The following FAM241A variants were observed in gnomAD, a reference collection of about 807,000 sequenced individuals.
FAM241A encodes the protein uncharacterized protein FAM241A.
A neutral mutation model predicts 12.2 loss-of-function variants in FAM241A; 7 were observed. That is an observed-to-expected ratio of 0.58 (90% CI 0.33 to 1.08). FAM241A has a LOEUF of 1.08. FAM241A is among the 50% of genes least tolerant of loss of function. The pLI, the probability that FAM241A is intolerant of heterozygous loss-of-function variation, is 0.04. For synonymous variants in FAM241A, 74 were observed against 68.2 expected (o/e 1.08, Z -0.42); for missense variants, 161 against 169.7 (o/e 0.95, Z 0.29).
intron 1 of FAM241A, among the ~76,000 whole-genome samples, chr4:112,150,899 A>G (rs747272576): frequency 6.6e-6 from 1 of 152,232 alleles, no homozygotes; most frequent in Non-Finnish European, 1.5e-5. Context: ...GCACATAGCT[A>G]TCTAGCATGT....
intron 1 of FAM241A, among the ~76,000 whole-genome samples, chr4:112,161,345 A>G (rs749388583): frequency 1.3e-5 from 2 of 152,118 alleles, no homozygotes; most frequent in Non-Finnish European, 2.9e-5. Flanking sequence ...GACACAAAAA[A>G]CCTTCAAAAA....
intron 1 of FAM241A, among the ~76,000 whole-genome samples, chr4:112,160,029 CTAAG>C (rs775900795): frequency 8.5e-5 from 13 of 152,118 alleles, no homozygotes; most frequent in Non-Finnish European, 1.0e-4. Context: ...TTGGAAAAAT[CTAAG>C]GACTCCATCA....
chr4:112,154,700 A>G lies in FAM241A; in HGVS notation c.153+8967A>G, dbSNP rs1040704830. Among the ~76,000 whole-genome samples the G allele has an allele frequency of 3.3e-5, 5 of 152,306 alleles. No individual in the cohort carries two copies. In the East Asian group the frequency reaches 5.8e-4, roughly 18 times the overall value. ...TAAAAAAGTAGATTCTTGAAAAAGT[A>G]TAAAATGTAGAAATGTCTTAACCTG... On this transcript the variant is annotated intron_variant, in intron 1 of 1. Coordinates refer to ENST00000309733, the MANE Select transcript of FAM241A (RefSeq NM_152400.3).
intron 1 of FAM241A, among the ~76,000 whole-genome samples, chr4:112,153,143 A>G (rs1040768618): frequency 6.6e-6 from 1 of 152,204 alleles, no homozygotes; most frequent in Non-Finnish European, 1.5e-5. Flanking sequence ...AGAATAGACA[A>G]TCTCTAAAGA....
chr4:112,189,293 G>C lies in FAM241A; in HGVS notation c.*2355G>C, dbSNP rs185887671. 6.8e-6 allele frequency: 1 copy of C among 147,104 alleles called. No individual in the cohort carries two copies. Among genetic ancestry groups the C allele is most frequent in the South Asian group, 2.1e-4 (1 of 4,656 alleles). The allele number at this position is 147,104 out of a possible 1,614,324, so 9.1% of individuals were successfully genotyped here. Reference sequence around the variant, plus strand: ...CCAGCTACTCAGGAGGCTGAGGCAGGAGAATGGCGTGAACCCGGGAGGCAG... The same window carrying C: ...CCAGCTACTCAGGAGGCTGAGGCAGCAGAATGGCGTGAACCCGGGAGGCAG... On this transcript the variant is annotated 3_prime_UTR_variant, in exon 2 of 2. Coordinates refer to ENST00000309733, the MANE Select transcript of FAM241A (RefSeq NM_152400.3).
chr4:112,148,287 C>G (rs1723179587), intron 1 of FAM241A, among the ~76,000 whole-genome samples: 1 of 152,068 alleles, frequency 6.6e-6, no homozygotes, highest in African/African-American at 2.4e-5. Context: ...AAAGCTCTTT[C>G]ATCAGCTTGT....
intron 1 of FAM241A, among the ~76,000 whole-genome samples, chr4:112,171,893 G>T (rs996665220): frequency 6.6e-6 from 1 of 151,888 alleles, no homozygotes; most frequent in Non-Finnish European, 1.5e-5. Context: ...AAAATCTTGA[G>T]TTTATATTCA....
chr4:112,186,634 A>G, intron 1 of FAM241A, 59 bp from the exon 2 acceptor site: 1 of 1,502,392 alleles, frequency 6.7e-7, no homozygotes. Flanking sequence ...AGGTTCTTAA[A>G]GACGTTTACA....
At chr4:112,172,344 A>G (rs1723740568) in intron 1 of FAM241A, among the ~76,000 whole-genome samples, 1 of 152,242 alleles carries the variant, frequency 6.6e-6, no homozygotes, top group African/African-American at 2.4e-5. Flanking sequence ...AGGAATACAA[A>G]GCAAGAAATC....
chr4:112,176,220 G>A (rs1578377656), intron 1 of FAM241A, among the ~76,000 whole-genome samples: 4 of 152,272 alleles, frequency 2.6e-5, no homozygotes, highest in Admixed American at 2.6e-4. Context: ...TAATTATCAT[G>A]AGAAAGATAA....
chr4:112,164,288 T>C (rs1401629022), intron 1 of FAM241A, among the ~76,000 whole-genome samples: 1 of 151,196 alleles, frequency 6.6e-6, no homozygotes, highest in Non-Finnish European at 1.5e-5. Flanking sequence ...GATGAGTTCA[T>C]GTCCTTTGTG....
Position 112,187,643 on chromosome 4 carries a change from G to T in FAM241A, c.*705G>T, listed in dbSNP as rs1381447731. ...TCATTTGAAGTTTCAGACAATTTTG[G>T]TGCTAATTACTTTTTGTGAGTTTTT... On this transcript the variant is annotated 3_prime_UTR_variant, in exon 2 of 2. Transcript: ENST00000309733. 6.7e-6 allele frequency: 1 copy of T among 149,234 alleles called. No homozygotes were observed. Among genetic ancestry groups the T allele is most frequent in the Non-Finnish European group, 1.5e-5 (1 of 66,432 alleles). The allele number at this position is 149,234 out of a possible 1,614,324, so 9.2% of individuals were successfully genotyped here.
intron 1 of FAM241A, among the ~76,000 whole-genome samples, chr4:112,154,393 G>A (rs1411881852): frequency 6.6e-6 from 1 of 152,018 alleles, no homozygotes; most frequent in African/African-American, 2.4e-5. Flanking sequence ...TCAGGCTACC[G>A]AGTTCCTGGG....
chr4:112,162,167 A>G (rs1179530138), intron 1 of FAM241A, among the ~76,000 whole-genome samples: 2 of 152,202 alleles, frequency 1.3e-5, no homozygotes, highest in Non-Finnish European at 2.9e-5. Context: ...TCTCACAATA[A>G]TAAGAGCTAT....
intron 1 of FAM241A, among the ~76,000 whole-genome samples, chr4:112,172,933 G>A (rs1445633982): frequency 2.0e-5 from 3 of 152,140 alleles, no homozygotes; most frequent in Non-Finnish European, 4.4e-5. Context: ...TGTCACCCAG[G>A]CTGGAGTGCA....
chr4:112,151,626 A>G (rs1723246225), intron 1 of FAM241A, among the ~76,000 whole-genome samples: 1 of 152,208 alleles, frequency 6.6e-6, no homozygotes, highest in Non-Finnish European at 1.5e-5. Flanking sequence ...AAGGGAATGG[A>G]GAATAAGCAA....
Position 112,193,204 on chromosome 4 carries a change from T to C in FAM241A, c.*6266T>C, listed in dbSNP as rs1228163941. On this transcript the variant is annotated 3_prime_UTR_variant, in exon 2 of 2. Coordinates refer to ENST00000309733, the MANE Select transcript of FAM241A (RefSeq NM_152400.3). ...CTTTTTGATGGGGTTGTTTGTTTTT[T>C]TCTTGTAAATTTGTTTGAGTTCATT... The C allele has an allele frequency of 2.2e-4, 34 of 151,814 alleles. No individual in the cohort carries two copies. Among genetic ancestry groups the C allele is most frequent in the African/African-American group, 7.2e-4 (30 of 41,388 alleles). 9.4% of individuals were successfully genotyped at this position (151,814 alleles called of 1,614,324 possible).
chr4:112,171,527 C>G (rs72664572), intron 1 of FAM241A: 11,800 of 761,612 alleles, frequency 0.015, 144 homozygotes, highest in Non-Finnish European at 0.021. Flanking sequence ...TGATTCAGTT[C>G]TAAGTGTCAT....
At position 112,190,130 on chromosome 4, in the gene FAM241A, A is replaced by G. The variant is rs548532264; in HGVS notation, c.*3192A>G. On this transcript the variant is annotated 3_prime_UTR_variant, in exon 2 of 2. Coordinates refer to ENST00000309733, the MANE Select transcript of FAM241A (RefSeq NM_152400.3). ...TCTCTCTAGGCTGTCACCAAGCTGT[A>G]AATCCACTAAAGACTATCCAGGCAA... The G allele has an allele frequency of 2.2e-4, 28 of 128,642 alleles. No individual in the cohort carries two copies. The highest frequency in any genetic ancestry group is 1.1e-3 in the Admixed American group (14 of 13,120). 8.0% of individuals were successfully genotyped at this position (128,642 alleles called of 1,614,324 possible).
Sources: gnomAD v4.1 joint callset for allele counts (sites outside exome capture counted in the v4.1 genomes callset) on GRCh38, gnomAD v4.1.1 for gene constraint, MANE v1.5 for transcripts, NCBI Gene and HGNC (gene_info 2026-07-23, HGNC 2026-07-21) for gene names.